The following PRKCI variants were observed in gnomAD, a reference collection of about 807,000 sequenced individuals.
PRKCI encodes protein kinase C iota type.
In PRKCI, 43 loss-of-function variants were observed where a neutral mutation model predicts 84.0. That is an observed-to-expected ratio of 0.51 (90% CI 0.40 to 0.66). The LOEUF is 0.66. Ranked by LOEUF, PRKCI falls within the 30% of genes least tolerant of loss-of-function variation. PRKCI has a pLI of 0.00. For missense variants in PRKCI, 459 were observed against 745.6 expected (o/e 0.62, Z 4.48); for synonymous variants, 216 against 234.4 (o/e 0.92, Z 0.72).
chr3:170,259,410 A>G (rs78062951), intron 2 of PRKCI, among the ~76,000 whole-genome samples: 495 of 152,316 alleles, frequency 3.2e-3, no homozygotes, highest in Middle Eastern at 0.02. Flanking sequence ...TTATATCTAT[A>G]TACATTGGTG....
At chr3:170,231,036 T>C (rs1377766829) in intron 1 of PRKCI, among the ~76,000 whole-genome samples, 2 of 150,124 alleles carry the variant, frequency 1.3e-5, no homozygotes, top group Admixed American at 1.3e-4. Context: ...CTTGGCTCAC[T>C]GCAACCTCCG....
intron 12 of PRKCI, among the ~76,000 whole-genome samples, chr3:170,290,060 G>A (rs1006221841): frequency 1.3e-5 from 2 of 149,776 alleles, no homozygotes; most frequent in East Asian, 1.9e-4. Context: ...ATGACAGAGC[G>A]AAACTCGGTC....
rs1734214369 is a variant in PRKCI, at chr3:170,280,460, T to A, written c.882+57T>A. ...TGCTTGAGAATACTATTCTTTTTTT[T>A]TTTTGAAACGGAGTTTCGCTCTTGT... On this transcript the variant is annotated intron_variant, in intron 9 of 17. Transcript: ENST00000295797. 4.1e-6 allele frequency: 6 copies of A among 1,481,328 alleles called. No homozygotes were observed. In the Admixed American group the frequency reaches 1.3e-4, roughly 33 times the overall value. The allele number at this position is 1,481,328 out of a possible 1,614,324, so 91.8% of individuals were successfully genotyped here.
intron 8 of PRKCI, 187 bp from the exon 9 acceptor site, chr3:170,280,040 T>C: frequency 2.2e-6 from 1 of 451,246 alleles, no homozygotes. Flanking sequence ...ATCTCAAAAT[T>C]CATCCATATA....
At chr3:170,285,662 A>G (rs1218767772) in intron 12 of PRKCI, among the ~76,000 whole-genome samples, 1 of 152,222 alleles carries the variant, frequency 6.6e-6, no homozygotes, top group Non-Finnish European at 1.5e-5. Flanking sequence ...TGCATTAAAG[A>G]ATAAAATCTT....
At chr3:170,250,618 C>T (rs899814421) in intron 2 of PRKCI, among the ~76,000 whole-genome samples, 4 of 152,000 alleles carry the variant, frequency 2.6e-5, no homozygotes, top group Admixed American at 6.6e-5. Context: ...GGATAATATT[C>T]CATTGTATGG....
intron 2 of PRKCI, among the ~76,000 whole-genome samples, chr3:170,236,490 A>T (rs1007505462): frequency 6.6e-6 from 1 of 152,214 alleles, no homozygotes; most frequent in South Asian, 2.1e-4. Context: ...CCTTAAAGAA[A>T]ATATTGTGGA....
intron 16 of PRKCI, 60 bp from the exon 17 acceptor site, chr3:170,298,935 G>A (rs1734754003): frequency 2.8e-6 from 3 of 1,088,930 alleles, no homozygotes; most frequent in Non-Finnish European, 1.4e-6. Flanking sequence ...GAGGAGAACT[G>A]TAGAGGTGGA....
chr3:170,280,432 A>G, intron 9 of PRKCI, 29 bp downstream of exon 9: 1 of 1,562,690 alleles, frequency 6.4e-7, no homozygotes, highest in East Asian at 2.3e-5. Flanking sequence ...ATTGCTTCTA[A>G]ACTGCTTGAG....
chr3:170,242,358 C>CT (rs1187440971), intron 2 of PRKCI, among the ~76,000 whole-genome samples: 1 of 151,798 alleles, frequency 6.6e-6, no homozygotes, highest in Non-Finnish European at 1.5e-5. Context: ...AAGAGGATTG[C>CT]TTAGCCCAGG....
chr3:170,251,706 T>A (rs957907791), intron 2 of PRKCI, among the ~76,000 whole-genome samples: 7 of 151,170 alleles, frequency 4.6e-5, no homozygotes, highest in Non-Finnish European at 8.8e-5. Context: ...GGTCAGGAGT[T>A]CAAGACCAGC....
At chr3:170,267,777 AT>A in intron 4 of PRKCI, 137 bp from the exon 5 acceptor site, 1 of 488,074 alleles carries the variant, frequency 2.0e-6, no homozygotes. Context: ...AATCTATTTT[AT>A]TTTTTGACGT....
intron 8 of PRKCI, among the ~76,000 whole-genome samples, chr3:170,276,422 G>A (rs1734116722): frequency 6.6e-6 from 1 of 150,742 alleles, no homozygotes; most frequent in African/African-American, 2.4e-5. Context: ...TTCTTGTTCT[G>A]TTTGTCTGAA....
chr3:170,295,170 C>G (rs1476911889), intron 14 of PRKCI, among the ~76,000 whole-genome samples: 2 of 151,672 alleles, frequency 1.3e-5, no homozygotes, highest in South Asian at 4.2e-4. Flanking sequence ...GAGATCGTGC[C>G]ACTGCACTCC....
At chr3:170,249,631 A>G (rs1443870255) in intron 2 of PRKCI, among the ~76,000 whole-genome samples, 1 of 152,058 alleles carries the variant, frequency 6.6e-6, no homozygotes, top group African/African-American at 2.4e-5. Flanking sequence ...TCTACAAAAA[A>G]AGAAAGGAAA....
intron 2 of PRKCI, among the ~76,000 whole-genome samples, chr3:170,247,191 A>C (rs1251020959): frequency 1.3e-5 from 2 of 151,556 alleles, no homozygotes; most frequent in Non-Finnish European, 2.9e-5. Context: ...CCTCCCAAGT[A>C]GGTGTGCGCC....
In PRKCI at chr3:170,291,680, G is replaced by C. The variant is rs1296859503; in HGVS notation, c.1204-174G>C. ...CCACTGCATGCCAGCCTGGGCGACA[G>C]AGCAAGACCCTGTCAAAAATAATAA... On this transcript the variant is annotated intron_variant, in intron 12 of 17. Transcript: ENST00000295797. 10 of 545,534 alleles carry C rather than the reference G, an allele frequency of 1.8e-5. No individual in the cohort carries two copies. The Admixed American group carries it at 3.1e-4, about 17-fold the overall frequency. The allele number at this position is 545,534 out of a possible 1,614,324, so 33.8% of individuals were successfully genotyped here. A position where few individuals can be genotyped will look rare whatever the true frequency, so the allele number is the denominator to read the frequency against.
chr3:170,268,192 T>C (rs112439902), intron 5 of PRKCI, among the ~76,000 whole-genome samples, 192 bp downstream of exon 5: 6 of 152,316 alleles, frequency 3.9e-5, no homozygotes, highest in African/African-American at 1.4e-4. Flanking sequence ...CTCTTAAAAA[T>C]GCTCCAGGCC....
At chr3:170,251,372 G>A (rs1476426784) in intron 2 of PRKCI, among the ~76,000 whole-genome samples, 3 of 152,090 alleles carry the variant, frequency 2.0e-5, no homozygotes, top group Non-Finnish European at 2.9e-5. Context: ...TCCTAATGTT[G>A]TATACAGGAA....
Sources: allele counts gnomAD v4.1 joint callset (sites outside exome capture counted in the v4.1 genomes callset), GRCh38; gene constraint gnomAD v4.1.1; transcripts MANE v1.5; gene names NCBI Gene and HGNC (gene_info 2026-07-23, HGNC 2026-07-21).